The following MKNK1 variants were observed in gnomAD, a reference collection of about 807,000 sequenced individuals.
MKNK1 encodes MAP kinase-interacting serine/threonine-protein kinase 1.
In MKNK1, 30 loss-of-function variants were observed where a neutral mutation model predicts 49.3. The ratio of observed to expected loss-of-function variants is 0.61; its 90% confidence interval spans 0.46 to 0.83. The LOEUF (loss-of-function observed/expected upper bound fraction) is 0.83. MKNK1 is among the 40% of genes least tolerant of loss of function. The pLI is 0.00. For missense variants in MKNK1, 423 were observed against 524.7 expected, an observed-to-expected ratio of 0.81 and a Z score of 1.89; for synonymous variants, 176 against 201.7, an observed-to-expected ratio of 0.87 and a Z score of 1.08.
intron 3 of MKNK1, among the ~76,000 whole-genome samples, chr1:46,581,704 C>T (rs2148693674): frequency 6.6e-6 from 1 of 152,190 alleles, no homozygotes; most frequent in Non-Finnish European, 1.5e-5. Flanking sequence ...ACATGGAAGT[C>T]ATTGGAGGCT....
chr1:46,566,750 C>A (rs1264979657), intron 8 of MKNK1, among the ~76,000 whole-genome samples: 2 of 152,120 alleles, frequency 1.3e-5, no homozygotes, highest in African/African-American at 4.8e-5. Context: ...TGTTGAGCAT[C>A]TTTTCATGTA....
rs1266000517 is a variant in MKNK1, at chr1:46,568,504, A to G, written c.458-6T>C. The G allele has an allele frequency of 3.1e-6, 5 of 1,613,816 alleles. No individual in the cohort carries two copies. In the African/African-American group the frequency reaches 4.0e-5, roughly 13 times the overall value. ...CAGATCACGATGAGCAATGCCTGACATGACAAAGAGCAAAAAAATGGTTAA... is the reference window on the plus strand; with the variant it reads ...CAGATCACGATGAGCAATGCCTGACGTGACAAAGAGCAAAAAAATGGTTAA... On this transcript the variant is annotated splice_polypyrimidine_tract_variant and splice_region_variant and intron_variant, in intron 7 of 12. Transcript: ENST00000371945.
chr1:46,558,287 G>T lies in MKNK1; in HGVS notation c.*288C>A. On this transcript the variant is annotated 3_prime_UTR_variant, in exon 13 of 13. Transcript: ENST00000371945. ...CAGGCTGGATCCCAGATCTGCAGGC[G>T]GGTGAGCAGGTGGAGCCCAGTGAAG... The T allele has an allele frequency of 5.0e-6, 2 of 401,230 alleles. No individual in the cohort carries two copies. The highest frequency in any genetic ancestry group is 4.3e-5 in the East Asian group (1 of 23,078). The allele number at this position is 401,230 out of a possible 1,614,324, so 24.9% of individuals were successfully genotyped here. A position where few individuals can be genotyped will look rare whatever the true frequency, so the allele number is the denominator to read the frequency against.
chr1:46,571,596 ATATAT>A (rs1355004437), intron 7 of MKNK1: 2 of 404,288 alleles, frequency 4.9e-6, no homozygotes, highest in Non-Finnish European at 9.6e-6. Flanking sequence ...TGTGAACAAG[ATATAT>A]TAAACTACAT....
At chr1:46,565,937 C>T (rs1197487711) in intron 8 of MKNK1, among the ~76,000 whole-genome samples, 1 of 152,060 alleles carries the variant, frequency 6.6e-6, no homozygotes, top group Non-Finnish European at 1.5e-5. Flanking sequence ...TCTATTTTTT[C>T]TTCTTTTCTT....
intron 3 of MKNK1, among the ~76,000 whole-genome samples, chr1:46,582,575 G>T (rs944929461): frequency 6.6e-6 from 1 of 152,200 alleles, no homozygotes; most frequent in Non-Finnish European, 1.5e-5. Context: ...AGTGGGGCAC[G>T]TTACTCCTAG....
chr1:46,577,051 G>A (rs1285914315), intron 4 of MKNK1, among the ~76,000 whole-genome samples: 2 of 152,228 alleles, frequency 1.3e-5, no homozygotes, highest in African/African-American at 2.4e-5. Flanking sequence ...GCTGGAGGGA[G>A]AGGCTGATGC....
chr1:46,579,689 G>C (rs1417429653), intron 4 of MKNK1, among the ~76,000 whole-genome samples: 2 of 152,144 alleles, frequency 1.3e-5, no homozygotes, highest in Non-Finnish European at 2.9e-5. Context: ...TGCTGAGGCT[G>C]GTCCAGGGCA....
rs1673754825 is a variant in MKNK1, at chr1:46,594,265, C to T, written c.-155G>A. On this transcript the variant is annotated 5_prime_UTR_variant, in exon 2 of 13. Transcript: ENST00000371945. ...GTGGCAATCTTCAGTTCTCCATCGG[C>T]CTCTGACATGGAAACCTTGAAAAAG... 3 of 794,848 alleles carry T rather than the reference C, an allele frequency of 3.8e-6. No individual in the cohort carries two copies. Among genetic ancestry groups the T allele is most frequent in the African/African-American group, 1.7e-5 (1 of 59,288 alleles). 49.2% of individuals were successfully genotyped at this position (794,848 alleles called of 1,614,324 possible). A position where few individuals can be genotyped will look rare whatever the true frequency, so the allele number is the denominator to read the frequency against.
chr1:46,595,210 T>C (rs1673907302), intron 1 of MKNK1, among the ~76,000 whole-genome samples: 1 of 152,196 alleles, frequency 6.6e-6, no homozygotes, highest in Non-Finnish European at 1.5e-5. Flanking sequence ...ACCATGGCTC[T>C]AGCTATACAA....
At chr1:46,592,384 C>T (rs756915279) in intron 2 of MKNK1, among the ~76,000 whole-genome samples, 35 of 152,326 alleles carry the variant, frequency 2.3e-4, no homozygotes, top group South Asian at 1.7e-3. Flanking sequence ...CATCTTAGTA[C>T]GATTACAAAA....
chr1:46,558,793 T>C lies in MKNK1; in HGVS notation c.1021A>G (p.Ser341Gly), dbSNP rs1271392397. ...PTPQVLQRNS[S>G]TMDLTLFAAE... ...GCGAAGAGCGTCAGGTCCATTGTGC[T>C]GCTGTTCCTGCAGGGCCAGGGGAAA... Residue 341 changes from serine (S) to glycine (G), a missense_variant, in exon 13 of 13, where the codon AGC becomes GGC. By Grantham distance (56) the Ser-to-Gly change is moderately conservative. Coordinates refer to ENST00000371945, the MANE Select transcript of MKNK1 (RefSeq NM_001135553.4). 3 of 1,613,366 alleles carry C rather than the reference T, an allele frequency of 1.9e-6. No homozygotes were observed. The East Asian group carries it at 6.7e-5, about 36-fold the overall frequency.
At position 46,580,537 on chromosome 1, in the gene MKNK1, G is replaced by T; in HGVS notation, c.191C>A (p.Ala64Asp). 6.2e-7 allele frequency: 1 copy of T among 1,611,584 alleles called. No homozygotes were observed. Among genetic ancestry groups the T allele is most frequent in the Non-Finnish European group, 8.5e-7 (1 of 1,177,720 alleles). The change falls in exon 4 of 13, where the codon GCC (alanine) becomes GAC (aspartate). Residue 64 changes from alanine to aspartate, a missense_variant. Coordinates refer to ENST00000371945, the MANE Select transcript of MKNK1 (RefSeq NM_001135553.4). Reference sequence around the variant, plus strand: ...TTCAGCTGAGACACTCACTTTGACGGCATACTCTTTGCCATTCTGTAGGCT... The same window carrying T: ...TTCAGCTGAGACACTCACTTTGACGTCATACTCTTTGCCATTCTGTAGGCT... Reference protein sequence around the residue: ...AVSLQNGKEYAVKIIEKQAGH... With the variant: ...AVSLQNGKEYDVKIIEKQAGH...
intron 8 of MKNK1, among the ~76,000 whole-genome samples, chr1:46,565,826 G>T (rs1007799987): frequency 1.3e-5 from 2 of 152,206 alleles, no homozygotes; most frequent in African/African-American, 4.8e-5. Context: ...GCAGCACAGC[G>T]AGTGAACTAA....
intron 1 of MKNK1, among the ~76,000 whole-genome samples, chr1:46,599,772 C>A (rs891446433): frequency 6.6e-6 from 1 of 152,200 alleles, no homozygotes; most frequent in African/African-American, 2.4e-5. Context: ...TCACTTTAAT[C>A]TTTCTGAGGT....
In MKNK1 at chr1:46,558,415, A is replaced by C; in HGVS notation, c.*160T>G. On this transcript the variant is annotated 3_prime_UTR_variant, in exon 13 of 13. Transcript: ENST00000371945. Reference sequence around the variant, plus strand: ...GCTTTTTCCTCCAGGACCCTAGGGAAATGGGGGTTGATGGGAACCTCAGGG... The same window carrying C: ...GCTTTTTCCTCCAGGACCCTAGGGACATGGGGGTTGATGGGAACCTCAGGG... The C allele has an allele frequency of 1.5e-6, 1 of 682,768 alleles. No individual in the cohort carries two copies. The highest frequency in any genetic ancestry group is 2.3e-6 in the Non-Finnish European group (1 of 428,398). The allele number at this position is 682,768 out of a possible 1,614,324, so 42.3% of individuals were successfully genotyped here. A position where few individuals can be genotyped will look rare whatever the true frequency, so the allele number is the denominator to read the frequency against.
chr1:46,576,362 A>ATT (rs948204363), intron 5 of MKNK1: 78 of 519,620 alleles, frequency 1.5e-4, no homozygotes, highest in African/African-American at 1.4e-3. Flanking sequence ...AATTGATGAT[A>ATT]TTTACAGTAT....
Position 46,558,596 on chromosome 1 carries a change from C to T in MKNK1, c.1218G>A (p.Arg406=), listed in dbSNP as rs1667363876. 2 of 1,612,386 alleles carry T rather than the reference C, an allele frequency of 1.2e-6. No individual in the cohort carries two copies. Among genetic ancestry groups the T allele is most frequent in the African/African-American group, 1.3e-5 (1 of 74,998 alleles). The change falls in exon 13 of 13, where the codon AGG becomes AGA. Residue 406 remains arginine (R), a synonymous_variant. Transcript: ENST00000371945. ...ALAQAGRGED[R]SPPTAL is the part of the protein sequence containing the mutation. The stretch of plus-strand genomic sequence containing the variant: ...CATTTCAGAGTGCTGTGGGCGGGCT[C>T]CTGTCTTCACCACGGCCTGCCTGGG...
At chr1:46,582,371 C>T (rs902632600) in intron 3 of MKNK1, among the ~76,000 whole-genome samples, 8 of 152,218 alleles carry the variant, frequency 5.3e-5, no homozygotes, top group African/African-American at 1.7e-4. Context: ...ACAATGGACA[C>T]ATTGGCATTA....
Sources: allele counts gnomAD v4.1 joint callset (sites outside exome capture counted in the v4.1 genomes callset), GRCh38; gene constraint gnomAD v4.1.1; transcripts MANE v1.5; gene names NCBI Gene and HGNC (gene_info 2026-07-23, HGNC 2026-07-21).